Variants in FBXL20 observed in about 807,000 individuals in gnomAD.
FBXL20 encodes F-box and leucine rich repeat protein 20.
FBXL20 carries 11 observed loss-of-function variants against 64.0 expected under a neutral mutation model. That is an observed-to-expected ratio of 0.17 (90% CI 0.11 to 0.28). The LOEUF is 0.28. FBXL20 is among the 10% of genes least tolerant of loss of function. The pLI is 1.00. For synonymous variants in FBXL20, 184 were observed against 189.0 expected, an observed-to-expected ratio of 0.97 and a Z score of 0.22; for missense variants, 303 against 526.2, an observed-to-expected ratio of 0.58 and a Z score of 4.15.
intron 2 of FBXL20, among the ~76,000 whole-genome samples, chr17:39,332,959 T>C (rs1478504489): frequency 1.3e-5 from 2 of 152,140 alleles, no homozygotes. Context: ...CAGTATGAAT[T>C]GCTGCCTTTT....
intron 2 of FBXL20, among the ~76,000 whole-genome samples, chr17:39,315,393 T>TTATATA (rs59563317): frequency 0.03 from 4,016 of 134,534 alleles, 310 homozygotes; most frequent in African/African-American, 0.11. Flanking sequence ...TTTAAATAAT[T>TTATATA]TATATATATA....
Position 39,347,286 on chromosome 17 carries a change from G to C in FBXL20, c.43-4045C>G, listed in dbSNP as rs201539908. Among the ~76,000 whole-genome samples, 105 of 152,304 alleles carry C rather than the reference G, an allele frequency of 6.9e-4. No homozygotes were observed. The East Asian group carries it at 0.014, about 21-fold the overall frequency. On this transcript the variant is annotated intron_variant, in intron 1 of 14. Coordinates refer to ENST00000264658, the MANE Select transcript of FBXL20 (RefSeq NM_032875.3). The stretch of plus-strand genomic sequence containing the variant: ...CGCCACACTGTCTTCCACAATGGTT[G>C]AACTAGTTTACAGTCCCACCAACAG...
intron 1 of FBXL20, among the ~76,000 whole-genome samples, chr17:39,350,518 CAAA>C (rs5820287): frequency 3.9e-5 from 4 of 101,772 alleles, no homozygotes; most frequent in Non-Finnish European, 6.4e-5. Context: ...AAAAAAGAAG[CAAA>C]AAAAAAAAAA....
intron 2 of FBXL20, among the ~76,000 whole-genome samples, chr17:39,333,318 G>A (rs1015425629): frequency 3.9e-5 from 6 of 152,168 alleles, no homozygotes; most frequent in Admixed American, 6.5e-5. Flanking sequence ...ACTGGTTTTC[G>A]TATTTTTTGG....
In FBXL20 at chr17:39,328,119, G is replaced by A. The variant is rs183341370; in HGVS notation, c.104+15061C>T. ...AAAAATTAGCCGGGCGTGGTGGCGG[G>A]TGCCTGTAATCCCAGTTACTTGGGA... On this transcript the variant is annotated intron_variant, in intron 2 of 14. Transcript: ENST00000264658. Among the ~76,000 whole-genome samples the A allele has an allele frequency of 4.0e-5, 6 of 151,458 alleles. No homozygotes were observed. In the East Asian group the frequency reaches 1.2e-3, roughly 30 times the overall value.
rs138083451 is a variant in FBXL20, at chr17:39,269,787, C to T, written c.889-916G>A. 7.2e-3 allele frequency among the ~76,000 whole-genome samples: 1,088 copies of T among 152,156 alleles called. 7 individuals are homozygous for T. Among genetic ancestry groups the T allele is most frequent in the South Asian group, 0.011 (55 of 4,826 alleles). On this transcript the variant is annotated intron_variant, in intron 11 of 14. Coordinates refer to ENST00000264658, the MANE Select transcript of FBXL20 (RefSeq NM_032875.3). ...TGCTGGGATTACAGGCATGAGCCAC[C>T]GCGCCCGGCCTTTTGTATTTCTTAC...
intron 1 of FBXL20, among the ~76,000 whole-genome samples, chr17:39,374,778 ACTTTT>A (rs751404797): frequency 3.9e-5 from 6 of 151,968 alleles, no homozygotes; most frequent in African/African-American, 9.7e-5. Context: ...AGCTCAAGCT[ACTTTT>A]CTTTTCTTTT....
chr17:39,306,073 G>A (rs753214802), intron 2 of FBXL20, among the ~76,000 whole-genome samples: 1 of 151,940 alleles, frequency 6.6e-6, no homozygotes, highest in Non-Finnish European at 1.5e-5. Flanking sequence ...GCTGATGTAG[G>A]AGGATCTATT....
intron 12 of FBXL20, among the ~76,000 whole-genome samples, chr17:39,268,348 C>T (rs1159178402): frequency 2.0e-5 from 3 of 151,926 alleles, no homozygotes; most frequent in African/African-American, 4.8e-5. Flanking sequence ...AGTGAAATTC[C>T]ATCTCAAAAA....
intron 1 of FBXL20, among the ~76,000 whole-genome samples, chr17:39,359,634 T>C (rs1258089417): frequency 6.7e-6 from 1 of 148,358 alleles, no homozygotes; most frequent in African/African-American, 2.5e-5. Context: ...AAGTAACAAG[T>C]GTTGGTGAGA....
At chr17:39,322,237 T>C (rs546674124) in intron 2 of FBXL20, among the ~76,000 whole-genome samples, 1 of 151,808 alleles carries the variant, frequency 6.6e-6, no homozygotes, top group Admixed American at 6.6e-5. Context: ...GCATATGTGT[T>C]TTGTGGGGAA....
chr17:39,382,210 G>C (rs933210468), intron 1 of FBXL20, among the ~76,000 whole-genome samples: 1 of 151,978 alleles, frequency 6.6e-6, no homozygotes, highest in Non-Finnish European at 1.5e-5. Flanking sequence ...TTGGGAGGCC[G>C]AGGTGGGCAG....
intron 1 of FBXL20, among the ~76,000 whole-genome samples, chr17:39,356,403 T>TG (rs2047741028): frequency 6.6e-6 from 1 of 152,060 alleles, no homozygotes; most frequent in Non-Finnish European, 1.5e-5. Flanking sequence ...TCACTGAGGC[T>TG]GGAGTACAGT....
At chr17:39,360,051 A>T (rs917843325) in intron 1 of FBXL20, among the ~76,000 whole-genome samples, 1 of 152,152 alleles carries the variant, frequency 6.6e-6, no homozygotes, top group Non-Finnish European at 1.5e-5. Context: ...AAATTTACAT[A>T]AAAACATATA....
chr17:39,357,183 G>C (rs2047749900), intron 1 of FBXL20, among the ~76,000 whole-genome samples: 1 of 148,228 alleles, frequency 6.7e-6, no homozygotes, highest in South Asian at 2.1e-4. Flanking sequence ...TGAGGCAGGA[G>C]AATCACTTGA....
At chr17:39,335,764 A>C (rs527762706) in intron 2 of FBXL20, among the ~76,000 whole-genome samples, 1 of 152,250 alleles carries the variant, frequency 6.6e-6, no homozygotes, top group East Asian at 1.9e-4. Context: ...ACTGAATTTC[A>C]CATTATGCAA....
chr17:39,391,658 T>C (rs1453763336), intron 1 of FBXL20, among the ~76,000 whole-genome samples: 2 of 152,150 alleles, frequency 1.3e-5, no homozygotes, highest in African/African-American at 4.8e-5. Context: ...CATTGTCTCC[T>C]TATCCAAATT....
intron 2 of FBXL20, among the ~76,000 whole-genome samples, chr17:39,338,407 C>A (rs367751095): frequency 3.2e-4 from 49 of 152,042 alleles, no homozygotes; most frequent in African/African-American, 1.1e-3. Context: ...TGCGGAAGGC[C>A]GCAGGGTCCT....
intron 5 of FBXL20, 21 bp from the exon 6 acceptor site, chr17:39,297,216 G>T: frequency 6.3e-7 from 1 of 1,579,052 alleles, no homozygotes; most frequent in South Asian, 1.1e-5. Context: ...AAGAAAGTAA[G>T]AGGTTTCAAA....
Sources: allele counts gnomAD v4.1 joint callset (sites outside exome capture counted in the v4.1 genomes callset), GRCh38; gene constraint gnomAD v4.1.1; transcripts MANE v1.5; gene names NCBI Gene and HGNC (gene_info 2026-07-23, HGNC 2026-07-21).